The following CDH5 variants were observed in gnomAD, a reference collection of about 807,000 sequenced individuals.
CDH5 encodes the protein cadherin-5.
A neutral mutation model predicts 62.0 loss-of-function variants in CDH5; 28 were observed. That is an observed-to-expected ratio of 0.45 (90% CI 0.33 to 0.62). The LOEUF is 0.62. Among genes scored for constraint, CDH5 ranks in the 20% least tolerant of loss-of-function variants. The pLI is 0.02. For missense variants in CDH5, 940 were observed against 1,065.1 expected (o/e 0.88, Z 1.63); for synonymous variants, 464 against 445.8 (o/e 1.04, Z -0.52).
At chr16:66,377,060 G>A (rs1596928731) in intron 1 of CDH5, 1 of 152,222 alleles carries the variant, frequency 6.6e-6, no homozygotes, top group African/African-American at 2.4e-5. Context: ...CTTCTCACTT[G>A]AGGCAGGAAG....
At chr16:66,397,266 A>G (rs1024491414) in intron 8 of CDH5, among the ~76,000 whole-genome samples, 2 of 152,118 alleles carry the variant, frequency 1.3e-5, no homozygotes, top group South Asian at 4.1e-4. Flanking sequence ...GTTGTCCAGG[A>G]TGAAGTGCAG....
chr16:66,396,442 T>G (rs1344197644), intron 8 of CDH5, among the ~76,000 whole-genome samples: 1 of 152,178 alleles, frequency 6.6e-6, no homozygotes. Flanking sequence ...CGGAATCTCA[T>G]GCATGTCACA....
chr16:66,385,426 A>C (rs1374691032), intron 2 of CDH5, among the ~76,000 whole-genome samples: 5 of 152,220 alleles, frequency 3.3e-5, no homozygotes. Context: ...CCTGAGTTAC[A>C]CAAAGCTCAC....
rs181115640 is a variant in CDH5 at position 66,372,679 on chromosome 16, G to A, written c.-20+5921G>A. Among the ~76,000 whole-genome samples the A allele has an allele frequency of 7.9e-5, 12 of 152,256 alleles. No homozygotes were observed. In the East Asian group the frequency reaches 1.7e-3, roughly 22 times the overall value. ...TTCTGATCCCAGTGGCCCCACCCAC[G>A]GTAGATACAGACCTGGACCCCAGAG... On this transcript the variant is annotated intron_variant, in intron 1 of 11. Coordinates refer to ENST00000341529, the MANE Select transcript of CDH5 (RefSeq NM_001795.5).
chr16:66,400,827 G>T lies in CDH5; in HGVS notation c.1648G>T (p.Val550Phe). ...GCAGTTTGACCGGGAGCATACCAAGGTCCACTTCCTACCCGTGGTCATCTC... is the reference window on the plus strand; with the variant it reads ...GCAGTTTGACCGGGAGCATACCAAGTTCCACTTCCTACCCGTGGTCATCTC... ...YGQFDREHTKVHFLPVVISDN... is the reference protein window; with the variant it reads ...YGQFDREHTKFHFLPVVISDN... The change falls in exon 11 of 12, where the codon GTC becomes TTC. Residue 550 changes from valine to phenylalanine, a missense_variant. Physicochemically the swap from Val to Phe is conservative, Grantham distance 50. Transcript: ENST00000341529. 1 of 1,614,234 alleles carries T rather than the reference G, an allele frequency of 6.2e-7. No homozygotes were observed. The highest frequency in any genetic ancestry group is 1.3e-5 in the African/African-American group (1 of 75,066).
intron 2 of CDH5, among the ~76,000 whole-genome samples, chr16:66,383,833 C>G (rs1960936689): frequency 6.6e-6 from 1 of 152,116 alleles, no homozygotes; most frequent in Non-Finnish European, 1.5e-5. Context: ...CCTGCCCGAC[C>G]AAGGGGGCAA....
At chr16:66,386,722 C>A in intron 2 of CDH5, 87 bp from the exon 3 acceptor site, 3 of 1,190,790 alleles carry the variant, frequency 2.5e-6, no homozygotes, top group Non-Finnish European at 3.6e-6. Context: ...CATGCACAGG[C>A]ACACCTGTGT....
chr16:66,367,922 CCA>C (rs1451634664), intron 1 of CDH5, among the ~76,000 whole-genome samples: 1 of 152,120 alleles, frequency 6.6e-6, no homozygotes, highest in African/African-American at 2.4e-5. Context: ...GCTGGATTTA[CCA>C]GCTAGCACAG....
chr16:66,394,612 T>C (rs992410291), intron 7 of CDH5, among the ~76,000 whole-genome samples: 1 of 152,136 alleles, frequency 6.6e-6, no homozygotes, highest in Non-Finnish European at 1.5e-5. Context: ...CATTTTTATT[T>C]CTACCAGTGA....
At chr16:66,386,773 G>T in intron 2 of CDH5, 36 bp from the exon 3 acceptor site, 2 of 1,548,452 alleles carry the variant, frequency 1.3e-6, no homozygotes, top group Non-Finnish European at 1.7e-6. Flanking sequence ...AGCCACTGCC[G>T]CCCATTCCCA....
In CDH5 at chr16:66,370,218, G is replaced by T. The variant is rs543367100; in HGVS notation, c.-20+3460G>T. 1.7e-3 allele frequency among the ~76,000 whole-genome samples: 266 copies of T among 152,148 alleles called. 2 individuals are homozygous for T. The highest frequency in any genetic ancestry group is 6.2e-3 in the African/African-American group (256 of 41,500). On this transcript the variant is annotated intron_variant, in intron 1 of 11. Coordinates refer to ENST00000341529, the MANE Select transcript of CDH5 (RefSeq NM_001795.5). ...TTTCACCATGTTGGCCAGGCTGGTTGCGAACTCCTGACCTCAGGTGATCCA... is the reference window on the plus strand; with the variant it reads ...TTTCACCATGTTGGCCAGGCTGGTTTCGAACTCCTGACCTCAGGTGATCCA...
chr16:66,380,800 A>G (rs1272126566), intron 2 of CDH5, among the ~76,000 whole-genome samples: 1 of 151,162 alleles, frequency 6.6e-6, no homozygotes, highest in Non-Finnish European at 1.5e-5. Context: ...TGGTGGTGGT[A>G]ATGGTGAAGG....
At chr16:66,368,143 CAA>C (rs1409621096) in intron 1 of CDH5, among the ~76,000 whole-genome samples, 1 of 152,148 alleles carries the variant, frequency 6.6e-6, no homozygotes, top group African/African-American at 2.4e-5. Context: ...AGGATTCTGA[CAA>C]GAGAGGAAGG....
intron 7 of CDH5, among the ~76,000 whole-genome samples, chr16:66,394,233 G>A (rs1961135996): frequency 6.6e-6 from 1 of 152,102 alleles, no homozygotes; most frequent in Non-Finnish European, 1.5e-5. Context: ...AATTTGTTCT[G>A]CTTAAATATT....
At chr16:66,378,717 C>T (rs1034992146) in intron 1 of CDH5, among the ~76,000 whole-genome samples, 4 of 152,208 alleles carry the variant, frequency 2.6e-5, no homozygotes, top group Non-Finnish European at 5.9e-5. Flanking sequence ...GCTCCCATAT[C>T]CCCTGCACTT....
chr16:66,368,186 G>C (rs917842031), intron 1 of CDH5, among the ~76,000 whole-genome samples: 2 of 152,156 alleles, frequency 1.3e-5, no homozygotes, highest in Admixed American at 6.5e-5. Context: ...TTGAGGAGTC[G>C]AGGGTGTACC....
chr16:66,390,615 T>C, intron 6 of CDH5, 25 bp downstream of exon 6: 1 of 1,609,138 alleles, frequency 6.2e-7, no homozygotes, highest in Non-Finnish European at 8.5e-7. Context: ...GGCAACAATG[T>C]CAAACGTGAG....
chr16:66,393,003 C>T (rs916022960), intron 7 of CDH5: 2 of 152,266 alleles, frequency 1.3e-5, no homozygotes, highest in East Asian at 3.8e-4. Context: ...CTGGTTTCAT[C>T]GATATTTGCT....
In CDH5 at chr16:66,403,429, C is replaced by T. The variant is rs1961334639; in HGVS notation, c.*260C>T. On this transcript the variant is annotated 3_prime_UTR_variant, in exon 12 of 12. Coordinates refer to ENST00000341529, the MANE Select transcript of CDH5 (RefSeq NM_001795.5). This position sits in a 1 kb window ranked among gnomAD's most constrained non-coding sequence, Gnocchi z 4.3. ...TGTCTGGGCTCAGACATCCACATAACCCTGTCACCCACAGACCGCCGTCTA... is the reference window on the plus strand; with the variant it reads ...TGTCTGGGCTCAGACATCCACATAATCCTGTCACCCACAGACCGCCGTCTA... The T allele has an allele frequency of 1.9e-6, 1 of 517,796 alleles. No homozygotes were observed. The highest frequency in any genetic ancestry group is 3.3e-5 in the Admixed American group (1 of 30,004). 32.1% of individuals were successfully genotyped at this position (517,796 alleles called of 1,614,324 possible).
Sources: gnomAD v4.1 joint callset for allele counts (sites outside exome capture counted in the v4.1 genomes callset) on GRCh38, gnomAD v4.1.1 for gene constraint, Gnocchi (gnomAD v3.1) non-coding constraint, MANE v1.5 for transcripts, NCBI Gene and HGNC (gene_info 2026-07-23, HGNC 2026-07-21) for gene names.